Variants in N4BP2L2 observed in about 807,000 individuals in gnomAD.
The protein encoded by N4BP2L2 is NEDD4 binding protein 2 like 2.
In N4BP2L2, 50 loss-of-function variants were observed where a neutral mutation model predicts 56.2. The observed-to-expected ratio is 0.89, with a 90% CI of 0.71 to 1.13. The LOEUF is 1.13. N4BP2L2 is among the 50% of genes most tolerant of loss of function. The pLI is 0.00. For missense variants in N4BP2L2, 689 were observed against 693.8 expected, an observed-to-expected ratio of 0.99 and a Z score of 0.08; for synonymous variants, 203 against 223.6, an observed-to-expected ratio of 0.91 and a Z score of 0.82.
chr13:32,452,037 C>T (rs964002441), intron 6 of N4BP2L2, among the ~76,000 whole-genome samples: 1 of 151,680 alleles, frequency 6.6e-6, no homozygotes, highest in African/African-American at 2.4e-5. Flanking sequence ...GAAAGAATAC[C>T]TCCAGCTTTT....
intron 6 of N4BP2L2, among the ~76,000 whole-genome samples, chr13:32,504,073 T>C (rs1053862937): frequency 1.5e-4 from 23 of 152,070 alleles, no homozygotes; most frequent in African/African-American, 5.3e-4. Context: ...TATGTAAAAC[T>C]CCAAAAATTT....
At chr13:32,494,352 T>C (rs1334414187) in intron 6 of N4BP2L2, among the ~76,000 whole-genome samples, 2 of 152,182 alleles carry the variant, frequency 1.3e-5, no homozygotes, top group African/African-American at 2.4e-5. Context: ...TTAGCCCTAA[T>C]ACACCATTTT....
chr13:32,506,427 C>T (rs1012265080), downstream of N4BP2L2: 1 of 152,094 alleles, frequency 6.6e-6, no homozygotes, highest in Admixed American at 6.6e-5. Flanking sequence ...CATCCCATAA[C>T]AAACCCAAAC....
intron 2 of N4BP2L2, among the ~76,000 whole-genome samples, chr13:32,528,165 A>C (rs775135584): frequency 1.3e-5 from 2 of 152,236 alleles, no homozygotes; most frequent in Admixed American, 1.3e-4. Flanking sequence ...CCATGTTTTC[A>C]CTTTAGTATA....
chr13:32,468,839 A>C (rs1159831401), intron 6 of N4BP2L2, among the ~76,000 whole-genome samples: 1 of 152,230 alleles, frequency 6.6e-6, no homozygotes, highest in East Asian at 1.9e-4. Context: ...GACAGGGGAG[A>C]GCCAGCTTGG....
chr13:32,508,644 AT>A, downstream of N4BP2L2: 1 of 152,252 alleles, frequency 6.6e-6, no homozygotes, highest in Non-Finnish European at 1.5e-5. Flanking sequence ...GAAAAGCCAA[AT>A]AATGACCCAA....
At chr13:32,517,767 T>G (rs1294734761) in exon 6 of N4BP2L2, 2 of 1,606,598 alleles carry the variant, frequency 1.2e-6, no homozygotes, top group South Asian at 1.1e-5. Flanking sequence ...CTTTTTCAAG[T>G]GCAACAACAA....
At chr13:32,455,033 A>G (rs903520324) in intron 6 of N4BP2L2, among the ~76,000 whole-genome samples, 1 of 152,188 alleles carries the variant, frequency 6.6e-6, no homozygotes, top group African/African-American at 2.4e-5. Context: ...CTGCCTGGAG[A>G]TGACCTGATA....
exon 6 of N4BP2L2, chr13:32,512,319 G>T (rs2048309474): frequency 6.6e-6 from 1 of 152,124 alleles, no homozygotes; most frequent in African/African-American, 2.4e-5. Flanking sequence ...TCAATGTGAA[G>T]TCTTCAGTTA....
chr13:32,448,513 C>T (rs186547827), intron 6 of N4BP2L2, among the ~76,000 whole-genome samples: 1 of 152,196 alleles, frequency 6.6e-6, no homozygotes, highest in East Asian at 1.9e-4. Flanking sequence ...TAAGATTTTG[C>T]TTTCTAGATG....
chr13:32,480,205 C>T (rs2084314863), intron 6 of N4BP2L2, among the ~76,000 whole-genome samples: 1 of 152,110 alleles, frequency 6.6e-6, no homozygotes, highest in Non-Finnish European at 1.5e-5. Context: ...AGGAAGAAGA[C>T]AGTGGAATAA....
intron 6 of N4BP2L2, among the ~76,000 whole-genome samples, chr13:32,467,916 G>T (rs2081528562): frequency 6.6e-6 from 1 of 151,966 alleles, no homozygotes; most frequent in Non-Finnish European, 1.5e-5. Context: ...CTTGAACCCG[G>T]GAGGCAGAGG....
intron 6 of N4BP2L2, among the ~76,000 whole-genome samples, chr13:32,462,351 G>A (rs2080269731): frequency 6.6e-6 from 1 of 152,146 alleles, no homozygotes; most frequent in Non-Finnish European, 1.5e-5. Flanking sequence ...AGAAAGACAA[G>A]TATCACATGT....
At chr13:32,536,806 TTTG>T in exon 2 of N4BP2L2, 1 of 1,614,074 alleles carries the variant, frequency 6.2e-7, no homozygotes, top group East Asian at 2.2e-5. Context: ...AATCTGTAGT[TTTG>T]ATTTTGTTCT....
intron 7 of N4BP2L2, among the ~76,000 whole-genome samples, chr13:32,441,759 T>C (rs2076390714): frequency 6.7e-6 from 1 of 148,888 alleles, no homozygotes; most frequent in Non-Finnish European, 1.5e-5. Context: ...AGTAGAAAGG[T>C]TTGGCCGGGC....
At chr13:32,433,931 C>CAAAAAAAAAAAAAAAAAAAAAAA (rs60540916) in intron 9 of N4BP2L2, among the ~76,000 whole-genome samples, 1 of 86,126 alleles carries the variant, frequency 1.2e-5, no homozygotes, top group Non-Finnish European at 2.2e-5. Flanking sequence ...GACCGTGTCT[C>CAAAAAAAAAAAAAAAAAAAAAAA]AAAAAAAAAA....
At chr13:32,537,753 G>A (rs1369716632) in intron 1 of N4BP2L2, among the ~76,000 whole-genome samples, 1 of 152,216 alleles carries the variant, frequency 6.6e-6, no homozygotes, top group Admixed American at 6.5e-5. Context: ...CATCTTTTCC[G>A]AATAATCTAT....
downstream of N4BP2L2, chr13:32,509,011 T>C (rs1289854790): frequency 6.6e-6 from 1 of 152,178 alleles, no homozygotes; most frequent in Non-Finnish European, 1.5e-5. Context: ...TTCTTGATCA[T>C]AAACCACAAA....
chr13:32,493,728 T>TA (rs529587585), intron 6 of N4BP2L2, among the ~76,000 whole-genome samples: 45 of 152,382 alleles, frequency 3.0e-4, no homozygotes, highest in African/African-American at 9.1e-4. Flanking sequence ...AACCTTCATA[T>TA]AACTGCCTGA....
Sources: allele counts gnomAD v4.1 joint callset (sites outside exome capture counted in the v4.1 genomes callset), GRCh38; gene constraint gnomAD v4.1.1; transcripts MANE v1.5; gene names NCBI Gene and HGNC (gene_info 2026-07-23, HGNC 2026-07-21).